GRB10: variants seen among roughly 807,000 people sequenced by gnomAD.
GRB10 encodes the protein growth factor receptor-bound protein 10.
In GRB10, 20 loss-of-function variants were observed where a neutral mutation model predicts 80.9. The observed-to-expected ratio is 0.25, with a 90% CI of 0.17 to 0.36. The LOEUF (loss-of-function observed/expected upper bound fraction) is 0.36, where lower values mean the gene tolerates loss of function less well. Ranked by LOEUF, GRB10 falls within the 10% of genes least tolerant of loss-of-function variation. The probability of loss-of-function intolerance (pLI) is 1.00; values close to 1 mark genes in which losing one functional copy is unlikely to be tolerated. For synonymous variants in GRB10, 291 were observed against 291.5 expected, an observed-to-expected ratio of 1.00 and a Z score of 0.02; for missense variants, 548 against 747.7, an observed-to-expected ratio of 0.73 and a Z score of 3.12.
At chr7:50,645,303 T>C (rs1367241231) in intron 7 of GRB10, among the ~76,000 whole-genome samples, 1 of 152,052 alleles carries the variant, frequency 6.6e-6, no homozygotes, top group African/African-American at 2.4e-5. Flanking sequence ...ACTATGGAGA[T>C]TTCTTTGAAA....
chr7:50,592,827 G>T lies in GRB10; in HGVS notation c.*125C>A, dbSNP rs144090239. Reference sequence around the variant, plus strand: ...TAGTCAATCTTGGTCGGCTGGCACCGAACAAACCCATCTCGCTCTGGGTCC... The same window carrying T: ...TAGTCAATCTTGGTCGGCTGGCACCTAACAAACCCATCTCGCTCTGGGTCC... On this transcript the variant is annotated 3_prime_UTR_variant, in exon 19 of 19. Transcript: ENST00000401949. 3 of 1,135,484 alleles carry T rather than the reference G, an allele frequency of 2.6e-6. No homozygotes were observed. The Admixed American group carries it at 5.1e-5, about 19-fold the overall frequency. The allele number at this position is 1,135,484 out of a possible 1,614,324, so 70.3% of individuals were successfully genotyped here. A position where few individuals can be genotyped will look rare whatever the true frequency, so the allele number is the denominator to read the frequency against.
At chr7:50,793,170 G>A (rs1392760046) in intron 1 of GRB10, 1 of 145,512 alleles carries the variant, frequency 6.9e-6, no homozygotes, top group Non-Finnish European at 1.5e-5. Context: ...CGGGCCCCGC[G>A]GGGACGCCAA....
intron 5 of GRB10, among the ~76,000 whole-genome samples, chr7:50,682,890 T>C: frequency 6.6e-6 from 1 of 152,226 alleles, no homozygotes; most frequent in East Asian, 1.9e-4. Context: ...CTTATTCATA[T>C]TCAATAATTA....
At chr7:50,761,990 G>C (rs894364262) in intron 2 of GRB10, 8 of 152,170 alleles carry the variant, frequency 5.3e-5, no homozygotes, top group African/African-American at 1.9e-4. Context: ...AAGCCGAGTA[G>C]ATGCTGCCGT....
intron 2 of GRB10, among the ~76,000 whole-genome samples, chr7:50,767,961 C>T (rs907388109): frequency 6.6e-6 from 1 of 152,298 alleles, no homozygotes; most frequent in East Asian, 1.9e-4. Context: ...AAGCTGGTTC[C>T]TTCTCTGTGC....
chr7:50,746,357 G>T (rs544716470), intron 3 of GRB10, among the ~76,000 whole-genome samples: 1 of 152,252 alleles, frequency 6.6e-6, no homozygotes, highest in East Asian at 1.9e-4. Flanking sequence ...ACCATGTACC[G>T]TGTTGCCAGC....
At chr7:50,649,498 C>G (rs530756503) in intron 7 of GRB10, among the ~76,000 whole-genome samples, 1 of 152,182 alleles carries the variant, frequency 6.6e-6, no homozygotes, top group Non-Finnish European at 1.5e-5. Flanking sequence ...AACACAGTGA[C>G]GACACACACG....
rs1212909690 is a variant in GRB10 at position 50,782,394 on chromosome 7, C to G, written c.-327+30G>C. On this transcript the variant is annotated intron_variant, in intron 1 of 18. Coordinates refer to ENST00000401949, the MANE Select transcript of GRB10 (RefSeq NM_001350814.2). This position sits in a 1 kb window ranked among gnomAD's most constrained non-coding sequence, Gnocchi z 6.6. ...CGCCCACCGCCCACCGCCCACCGCC[C>G]AGCGCCCGCGGCGGAGCCCACCTGA... is the stretch of plus-strand genomic sequence containing the variant. The G allele has an allele frequency of 1.3e-5, 2 of 148,320 alleles. No homozygotes were observed. Among genetic ancestry groups the G allele is most frequent in the African/African-American group, 4.9e-5 (2 of 41,000 alleles). 9.2% of individuals were successfully genotyped at this position (148,320 alleles called of 1,614,324 possible). A position where few individuals can be genotyped will look rare whatever the true frequency, so the allele number is the denominator to read the frequency against.
At chr7:50,608,964 CAA>C (rs60832218) in intron 13 of GRB10, among the ~76,000 whole-genome samples, 9,320 of 100,524 alleles carry the variant, frequency 0.093, 335 homozygotes, top group South Asian at 0.15. Context: ...GACCCTGACT[CAA>C]AAAAAAAAAA....
Position 50,591,751 on chromosome 7 carries a change from G to A in GRB10, c.*1201C>T, listed in dbSNP as rs2045871621. The A allele has an allele frequency of 6.6e-6, 1 of 152,264 alleles. No homozygotes were observed. The highest frequency in any genetic ancestry group is 6.5e-5 in the Admixed American group (1 of 15,282). The allele number at this position is 152,264 out of a possible 1,614,324, so 9.4% of individuals were successfully genotyped here. ...TAAGCCAGCAGAGGAGGAGCCTCTA[G>A]CTGCTCTGTGTTCACTGGCTTATGG... On this transcript the variant is annotated 3_prime_UTR_variant, in exon 19 of 19. Coordinates refer to ENST00000401949, the MANE Select transcript of GRB10 (RefSeq NM_001350814.2).
Position 50,649,784 on chromosome 7 carries a change from A to G in GRB10, c.504+19938T>C, listed in dbSNP as rs373307277. 9.8e-5 allele frequency among the ~76,000 whole-genome samples: 15 copies of G among 152,312 alleles called. No individual in the cohort carries two copies. In the East Asian group the frequency reaches 2.3e-3, roughly 24 times the overall value. On this transcript the variant is annotated intron_variant, in intron 7 of 18. Coordinates refer to ENST00000401949, the MANE Select transcript of GRB10 (RefSeq NM_001350814.2). ...GTTGACTGGATTTGTACCTGAGTCC[A>G]AAGGGGGAATCAAGGATATGCTCCT...
chr7:50,702,987 T>G (rs1409048709), intron 5 of GRB10, among the ~76,000 whole-genome samples: 1 of 152,238 alleles, frequency 6.6e-6, no homozygotes, highest in Non-Finnish European at 1.5e-5. Context: ...AAGTCAATAC[T>G]AACAAATTGG....
chr7:50,628,407 G>C (rs2053387796), intron 7 of GRB10, among the ~76,000 whole-genome samples: 1 of 152,142 alleles, frequency 6.6e-6, no homozygotes, highest in Non-Finnish European at 1.5e-5. Context: ...CGTGGAGTCT[G>C]ACAGCAGAGG....
chr7:50,748,242 C>T (rs1409460913), intron 3 of GRB10, among the ~76,000 whole-genome samples: 1 of 152,204 alleles, frequency 6.6e-6, no homozygotes. Flanking sequence ...CTCCTCTCTG[C>T]CTAGCACCCT....
intron 2 of GRB10, among the ~76,000 whole-genome samples, chr7:50,768,396 A>G (rs1319553761): frequency 6.6e-6 from 1 of 152,196 alleles, no homozygotes; most frequent in African/African-American, 2.4e-5. Flanking sequence ...TAAGACTTCA[A>G]TTGCCCTAAT....
chr7:50,620,091 G>A (rs1316165552), intron 8 of GRB10, among the ~76,000 whole-genome samples: 1 of 152,234 alleles, frequency 6.6e-6, no homozygotes, highest in Non-Finnish European at 1.5e-5. Context: ...GCCCAGAGAG[G>A]CCGCACTGCT....
chr7:50,706,443 C>A (rs924381569), intron 4 of GRB10, among the ~76,000 whole-genome samples: 3 of 152,172 alleles, frequency 2.0e-5, no homozygotes, highest in African/African-American at 7.2e-5. Context: ...AGGCCACGTG[C>A]ACTTTTTTAA....
chr7:50,733,664 C>T (rs555334615), intron 3 of GRB10, among the ~76,000 whole-genome samples: 1 of 152,242 alleles, frequency 6.6e-6, no homozygotes, highest in South Asian at 2.1e-4. Flanking sequence ...CCACCCTTCA[C>T]CTCTGCCATG....
chr7:50,755,127 G>A (rs1380881332), intron 3 of GRB10, among the ~76,000 whole-genome samples: 1 of 152,196 alleles, frequency 6.6e-6, no homozygotes, highest in East Asian at 1.9e-4. Context: ...GGGATACTGC[G>A]GGGAAGCCCG....
Sources: gnomAD v4.1 joint callset for allele counts (sites outside exome capture counted in the v4.1 genomes callset) on GRCh38, gnomAD v4.1.1 for gene constraint, Gnocchi (gnomAD v3.1) non-coding constraint, MANE v1.5 for transcripts, NCBI Gene and HGNC (gene_info 2026-07-23, HGNC 2026-07-21) for gene names.